MPPED2: variants seen among roughly 807,000 people sequenced by gnomAD.
MPPED2 encodes metallophosphoesterase domain containing 2, also known as metallophosphoesterase MPPED2.
In MPPED2, 5 loss-of-function variants were observed where a neutral mutation model predicts 33.0. The ratio of observed to expected loss-of-function variants is 0.15; its 90% CI spans 0.08 to 0.32. MPPED2 has a LOEUF of 0.32. Among genes scored for constraint, MPPED2 ranks in the 10% least tolerant of loss-of-function variants. The pLI is 1.00. For missense variants in MPPED2, 275 were observed against 372.1 expected (o/e 0.74, Z 2.15); for synonymous variants, 136 against 141.9 (o/e 0.96, Z 0.29).
intron 3 of MPPED2, among the ~76,000 whole-genome samples, chr11:30,500,672 C>T (rs1217450391): frequency 6.6e-6 from 1 of 152,160 alleles, no homozygotes; most frequent in Non-Finnish European, 1.5e-5. Context: ...ACCATCAGTG[C>T]ACGTTCACTA....
In MPPED2 at chr11:30,411,218, A is replaced by G. The variant is rs572815118; in HGVS notation, c.*250T>C. ...GGCTGTCCTTTGGCGAACACTAACA[A>G]TTTACAATGGCATGGCCTTTGAGAA... On this transcript the variant is annotated 3_prime_UTR_variant, in exon 7 of 7. Transcript: ENST00000358117. The G allele has an allele frequency of 8.9e-7, 1 of 1,119,500 alleles. No individual in the cohort carries two copies. The highest frequency in any genetic ancestry group is 4.8e-5 in the East Asian group (1 of 20,954). 69.3% of individuals were successfully genotyped at this position (1,119,500 alleles called of 1,614,324 possible).
intron 3 of MPPED2, among the ~76,000 whole-genome samples, chr11:30,506,512 A>AT (rs945973826): frequency 2.6e-5 from 4 of 152,278 alleles, no homozygotes; most frequent in South Asian, 2.1e-4. Flanking sequence ...TGATATGTTT[A>AT]TTTTTCCCCC....
chr11:30,416,368 A>T (rs995949933), intron 5 of MPPED2, among the ~76,000 whole-genome samples: 4 of 152,250 alleles, frequency 2.6e-5, no homozygotes, highest in African/African-American at 9.6e-5. Flanking sequence ...TTGTAAGAGA[A>T]GGAGAGCAGC....
chr11:30,568,166 C>A (rs566113787), intron 2 of MPPED2, among the ~76,000 whole-genome samples: 1 of 152,154 alleles, frequency 6.6e-6, no homozygotes, highest in Admixed American at 6.5e-5. Context: ...CTTCTATAAC[C>A]CTCACCATTA....
At chr11:30,429,864 T>C (rs1237267389) in intron 4 of MPPED2, among the ~76,000 whole-genome samples, 1 of 152,254 alleles carries the variant, frequency 6.6e-6, no homozygotes, top group Admixed American at 6.5e-5. Context: ...CTGGAATTTG[T>C]CATGCTCTGC....
chr11:30,410,521 C>A lies in MPPED2; in HGVS notation c.*947G>T. On this transcript the variant is annotated 3_prime_UTR_variant, in exon 7 of 7. Coordinates refer to ENST00000358117, the MANE Select transcript of MPPED2 (RefSeq NM_001584.3). ...GCCTTATTTTAGTTAGCTTCCATTG[C>A]ATCCATTTAAGTCTATACATGCCTG... is the stretch of plus-strand genomic sequence containing the variant. 1.0e-6 allele frequency: 1 copy of A among 985,692 alleles called. No homozygotes were observed. Among genetic ancestry groups the A allele is most frequent in the Non-Finnish European group, 1.2e-6 (1 of 829,906 alleles). 61.1% of individuals were successfully genotyped at this position (985,692 alleles called of 1,614,324 possible). A position where few individuals can be genotyped will look rare whatever the true frequency, so the allele number is the denominator to read the frequency against.
chr11:30,401,137 TATA>T (rs1947902958), intron 6 of MPPED2, among the ~76,000 whole-genome samples: 1 of 152,230 alleles, frequency 6.6e-6, no homozygotes, highest in Admixed American at 6.5e-5. Context: ...CAAAAAGTGT[TATA>T]AAAATAGTTT....
At chr11:30,458,533 T>A (rs1431154699) in intron 4 of MPPED2, among the ~76,000 whole-genome samples, 1 of 152,244 alleles carries the variant, frequency 6.6e-6, no homozygotes, top group East Asian at 1.9e-4. Flanking sequence ...TAACTGGATT[T>A]TAATTTAGTT....
intron 4 of MPPED2, among the ~76,000 whole-genome samples, chr11:30,492,296 C>T (rs750072516): frequency 2.0e-5 from 3 of 152,078 alleles, no homozygotes; most frequent in Non-Finnish European, 1.5e-5. Context: ...TTAGCTGAAC[C>T]CTGTCCTAAA....
chr11:30,573,279 T>TA (rs1483431982), intron 2 of MPPED2, among the ~76,000 whole-genome samples: 1 of 152,162 alleles, frequency 6.6e-6, no homozygotes, highest in Non-Finnish European at 1.5e-5. Context: ...GATACTGGTG[T>TA]AAACAAACCT....
At chr11:30,581,307 G>A (rs995508917) in intron 1 of MPPED2, among the ~76,000 whole-genome samples, 26 of 152,062 alleles carry the variant, frequency 1.7e-4, no homozygotes, top group African/African-American at 4.8e-4. Context: ...TCAGTAATTG[G>A]TTTCATTTTT....
chr11:30,407,763 C>T (rs973586205), downstream of MPPED2, among the ~76,000 whole-genome samples: 7 of 152,086 alleles, frequency 4.6e-5, no homozygotes, highest in Admixed American at 2.0e-4. Context: ...CGCAGCTACT[C>T]AGGAGGCTAA....
At chr11:30,410,019 G>A, downstream of MPPED2, 1 of 788,216 alleles carries the variant, frequency 1.3e-6, no homozygotes, top group Non-Finnish European at 1.5e-6. Flanking sequence ...ACAGCATGAT[G>A]GAAGGAAAGA....
chr11:30,403,871 G>A (rs951255704), intron 6 of MPPED2, among the ~76,000 whole-genome samples: 4 of 152,174 alleles, frequency 2.6e-5, no homozygotes, highest in Non-Finnish European at 5.9e-5. Flanking sequence ...ATGGGGAGAT[G>A]GAGTTCAAGG....
intron 4 of MPPED2, among the ~76,000 whole-genome samples, chr11:30,447,572 G>A (rs1473082883): frequency 1.3e-5 from 2 of 152,114 alleles, no homozygotes; most frequent in African/African-American, 2.4e-5. Flanking sequence ...GTCAAGAAGC[G>A]GCAGCAACCA....
chr11:30,512,739 G>A (rs1462234177), intron 3 of MPPED2, among the ~76,000 whole-genome samples: 3 of 152,104 alleles, frequency 2.0e-5, no homozygotes, highest in Non-Finnish European at 4.4e-5. Flanking sequence ...AGTGGCTCAC[G>A]CCTATAATCC....
At chr11:30,457,368 A>G (rs1230161955) in intron 4 of MPPED2, among the ~76,000 whole-genome samples, 1 of 135,520 alleles carries the variant, frequency 7.4e-6, no homozygotes, top group East Asian at 2.1e-4. Flanking sequence ...TGGCATTTTG[A>G]CTTCCTAATT....
chr11:30,482,665 GA>G (rs1419898357), intron 4 of MPPED2, among the ~76,000 whole-genome samples: 1 of 152,138 alleles, frequency 6.6e-6, no homozygotes, highest in Non-Finnish European at 1.5e-5. Flanking sequence ...GTGAGACAAA[GA>G]GAATGAATTT....
chr11:30,552,622 C>G (rs1394987327), intron 2 of MPPED2, among the ~76,000 whole-genome samples: 2 of 152,152 alleles, frequency 1.3e-5, no homozygotes, highest in Non-Finnish European at 2.9e-5. Flanking sequence ...TTTTCTCTCT[C>G]TCTCCGTTTA....
Sources: allele counts gnomAD v4.1 joint callset (sites outside exome capture counted in the v4.1 genomes callset), GRCh38; gene constraint gnomAD v4.1.1; transcripts MANE v1.5; gene names NCBI Gene and HGNC (gene_info 2026-07-23, HGNC 2026-07-21).